Variants in FLT1 observed in about 807,000 individuals in gnomAD.
FLT1 encodes vascular endothelial growth factor receptor 1.
Under a neutral mutation model 156.3 loss-of-function variants are expected in FLT1, and 49 were observed. The ratio of observed to expected loss-of-function variants is 0.31; its 90% CI spans 0.25 to 0.40. The LOEUF (loss-of-function observed/expected upper bound fraction) is 0.40, where lower values mean the gene tolerates loss of function less well. Among genes scored for constraint, FLT1 ranks in the 10% least tolerant of loss-of-function variants. The pLI, the probability that FLT1 is intolerant of heterozygous loss-of-function variation, is 1.00. For missense variants in FLT1, 1,322 were observed against 1,637.2 expected (o/e 0.81, Z 3.32); for synonymous variants, 594 against 583.8 (o/e 1.02, Z -0.25).
intron 10 of FLT1, among the ~76,000 whole-genome samples, chr13:28,410,922 C>T (rs977107736): frequency 7.9e-5 from 12 of 152,160 alleles, no homozygotes; most frequent in Non-Finnish European, 1.5e-4. Flanking sequence ...CTGTGCATCA[C>T]GTAGGGTGAC....
intron 3 of FLT1, among the ~76,000 whole-genome samples, chr13:28,453,821 G>C (rs1175198538): frequency 6.6e-6 from 1 of 152,182 alleles, no homozygotes; most frequent in African/African-American, 2.4e-5. Context: ...AGCACCTTCT[G>C]TGTACTATAC....
chr13:28,453,558 T>C (rs1430999711), intron 3 of FLT1, among the ~76,000 whole-genome samples: 1 of 152,188 alleles, frequency 6.6e-6, no homozygotes, highest in Non-Finnish European at 1.5e-5. Flanking sequence ...CTAGGGTAGT[T>C]AGTGGGTTTT....
intron 8 of FLT1, among the ~76,000 whole-genome samples, chr13:28,428,181 G>A (rs1877461814): frequency 6.6e-6 from 1 of 152,128 alleles, no homozygotes; most frequent in Non-Finnish European, 1.5e-5. Context: ...TGTGCCCACA[G>A]GCATACTGGT....
chr13:28,398,289 C>A (rs1024937381), intron 11 of FLT1, among the ~76,000 whole-genome samples: 1 of 152,104 alleles, frequency 6.6e-6, no homozygotes, highest in Non-Finnish European at 1.5e-5. Context: ...ATAGAGTGTC[C>A]TTGCTGAAGT....
intron 1 of FLT1, among the ~76,000 whole-genome samples, chr13:28,490,430 C>A (rs1380056442): frequency 6.6e-6 from 1 of 152,176 alleles, no homozygotes; most frequent in Non-Finnish European, 1.5e-5. Flanking sequence ...CCTTAATGAA[C>A]CCCCCTGCAG....
chr13:28,351,711 G>C (rs141422249), intron 15 of FLT1, among the ~76,000 whole-genome samples: 8 of 152,140 alleles, frequency 5.3e-5, no homozygotes, highest in African/African-American at 1.7e-4. Flanking sequence ...TTGCTGTTAC[G>C]TGACGTTAGT....
At chr13:28,407,284 G>A (rs987712840) in intron 10 of FLT1, among the ~76,000 whole-genome samples, 3 of 152,124 alleles carry the variant, frequency 2.0e-5, no homozygotes, top group Admixed American at 6.5e-5. Context: ...CCGATAAGTA[G>A]AGAGAATAGT....
At chr13:28,306,240 A>G (rs1870742710) in intron 29 of FLT1, among the ~76,000 whole-genome samples, 1 of 152,210 alleles carries the variant, frequency 6.6e-6, no homozygotes, top group Non-Finnish European at 1.5e-5. Context: ...AAAGTCATTC[A>G]TCTGTAGGGG....
intron 1 of FLT1, among the ~76,000 whole-genome samples, chr13:28,471,728 C>T (rs576487888): frequency 1.2e-4 from 18 of 152,240 alleles, no homozygotes; most frequent in African/African-American, 4.3e-4. Flanking sequence ...TGAGAACTTT[C>T]TAATGCTTCA....
chr13:28,436,486 C>G (rs1290525429), intron 4 of FLT1, among the ~76,000 whole-genome samples: 2 of 152,150 alleles, frequency 1.3e-5, no homozygotes, highest in Non-Finnish European at 2.9e-5. Context: ...ATTGTGCACT[C>G]CAGATCGTAG....
intron 20 of FLT1, among the ~76,000 whole-genome samples, chr13:28,323,417 C>G (rs149912123): frequency 6.6e-6 from 1 of 152,098 alleles, no homozygotes; most frequent in Non-Finnish European, 1.5e-5. Flanking sequence ...TTTGGGAGGC[C>G]GAGCCAGGTG....
intron 16 of FLT1, among the ~76,000 whole-genome samples, chr13:28,339,958 T>C (rs1398958712): frequency 6.6e-6 from 1 of 152,228 alleles, no homozygotes; most frequent in Non-Finnish European, 1.5e-5. Flanking sequence ...TGGTGGCCTG[T>C]AATCCCAGCA....
In FLT1 at chr13:28,348,673, C is replaced by G. The variant is rs575557180; in HGVS notation, c.2249-3122G>C. ...GCCTGTAATCCCAGCACTTTGGGAG[C>G]CCGAGGTAGGCGGATCATGAGGTCA... is the stretch of plus-strand genomic sequence containing the variant. On this transcript the variant is annotated intron_variant, in intron 15 of 29. Transcript: ENST00000282397. 5.9e-5 allele frequency among the ~76,000 whole-genome samples: 9 copies of G among 152,160 alleles called. No homozygotes were observed. In the South Asian group the frequency reaches 1.9e-3, roughly 32 times the overall value.
intron 3 of FLT1, among the ~76,000 whole-genome samples, chr13:28,462,564 A>G (rs536020605): frequency 6.6e-6 from 1 of 152,226 alleles, no homozygotes; most frequent in Non-Finnish European, 1.5e-5. Context: ...TTACAAATGC[A>G]TATCATATTT....
At chr13:28,342,966 C>CTCTCTCTT (rs1187713233) in intron 16 of FLT1, among the ~76,000 whole-genome samples, 5 of 150,308 alleles carry the variant, frequency 3.3e-5, no homozygotes, top group African/African-American at 1.2e-4. Context: ...CTCTCTCTCT[C>CTCTCTCTT]TCTTTCTTTC....
intron 11 of FLT1, among the ~76,000 whole-genome samples, chr13:28,400,213 G>A (rs1320591903): frequency 6.6e-6 from 1 of 152,190 alleles, no homozygotes; most frequent in Non-Finnish European, 1.5e-5. Flanking sequence ...AATCCGCAGA[G>A]ATGGGTAACA....
At chr13:28,365,444 C>T (rs1348062799) in intron 14 of FLT1, among the ~76,000 whole-genome samples, 3 of 151,992 alleles carry the variant, frequency 2.0e-5, no homozygotes, top group South Asian at 2.1e-4. Context: ...CCTCTGCTCC[C>T]GGACTCAAGG....
At chr13:28,335,772 CG>C (rs1872095852) in intron 17 of FLT1, among the ~76,000 whole-genome samples, 1 of 152,190 alleles carries the variant, frequency 6.6e-6, no homozygotes, top group Non-Finnish European at 1.5e-5. Context: ...GCATGCAACA[CG>C]GGCAGAGCTA....
chr13:28,344,209 G>A (rs116342089), intron 16 of FLT1, among the ~76,000 whole-genome samples: 1,999 of 151,454 alleles, frequency 0.013, 40 homozygotes, highest in African/African-American at 0.045. Context: ...AGGCCTTGCC[G>A]CTTTCCCTTC....
Sources: gnomAD v4.1 joint callset for allele counts (sites outside exome capture counted in the v4.1 genomes callset) on GRCh38, gnomAD v4.1.1 for gene constraint, MANE v1.5 for transcripts, NCBI Gene and HGNC (gene_info 2026-07-23, HGNC 2026-07-21) for gene names.